The following PTPRD variants were observed in gnomAD, a reference collection of about 807,000 sequenced individuals.
The protein encoded by PTPRD is receptor-type tyrosine-protein phosphatase delta.
PTPRD carries 34 observed loss-of-function variants against 214.5 expected under a neutral mutation model. That is an observed-to-expected ratio of 0.16 (90% CI 0.12 to 0.21). PTPRD has a LOEUF of 0.21. PTPRD is among the 10% of genes least tolerant of loss of function. The pLI, the probability that PTPRD is intolerant of heterozygous loss-of-function variation, is 1.00. For synonymous variants in PTPRD, 1,128 were observed against 845.7 expected (o/e 1.33, Z -5.79); for missense variants, 2,545 against 2,398.7 (o/e 1.06, Z -1.27).
intron 8 of PTPRD, among the ~76,000 whole-genome samples, chr9:9,420,673 G>A (rs1356621135): frequency 6.6e-6 from 1 of 151,800 alleles, no homozygotes; most frequent in Non-Finnish European, 1.5e-5. Flanking sequence ...TGATGACACT[G>A]AGCAAATAAA....
chr9:8,657,092 C>T (rs544823601), intron 12 of PTPRD, among the ~76,000 whole-genome samples: 82 of 150,932 alleles, frequency 5.4e-4, no homozygotes, highest in Non-Finnish European at 1.1e-3. Context: ...TGATGCAGAG[C>T]TTTTCTTTCA....
At chr9:8,558,683 G>A (rs899060064) in intron 14 of PTPRD, among the ~76,000 whole-genome samples, 1 of 152,136 alleles carries the variant, frequency 6.6e-6, no homozygotes, top group African/African-American at 2.4e-5. Flanking sequence ...AATAAAAAAT[G>A]TCTATTATTT....
intron 4 of PTPRD, among the ~76,000 whole-genome samples, chr9:9,954,387 A>G (rs1341611832): frequency 6.7e-6 from 1 of 149,076 alleles, no homozygotes; most frequent in Non-Finnish European, 1.5e-5. Flanking sequence ...ATGTAATTGT[A>G]TCATCTTTTT....
rs77897424 is a variant in PTPRD, at chr9:8,625,869, T to TA, written c.352+7447dup. 6.7e-3 allele frequency among the ~76,000 whole-genome samples: 933 copies of TA among 139,874 alleles called. 9 individuals are homozygous for TA. Among genetic ancestry groups the TA allele is most frequent in the African/African-American group, 0.016 (604 of 38,356 alleles). 91.8% of individuals were successfully genotyped at this position (139,874 alleles called of 152,430 possible). ...GACTATTCCCCGATTGCCCAGTAGT[T>TA]AAAAAAAAAAAAAAAATCTTGCTAT... On this transcript the variant is annotated intron_variant, in intron 14 of 45. Coordinates refer to ENST00000381196, the MANE Select transcript of PTPRD (RefSeq NM_002839.4).
chr9:9,507,828 T>C (rs1488366144), intron 8 of PTPRD, among the ~76,000 whole-genome samples: 5 of 151,484 alleles, frequency 3.3e-5, no homozygotes, highest in Non-Finnish European at 7.4e-5. Context: ...TTCAGGTTGC[T>C]ATGGTAATTA....
intron 3 of PTPRD, among the ~76,000 whole-genome samples, chr9:10,257,662 G>C (rs1331304211): frequency 6.6e-6 from 1 of 152,134 alleles, no homozygotes; most frequent in Non-Finnish European, 1.5e-5. Context: ...TCTGAGAGGA[G>C]AGACATCTGA....
chr9:8,435,363 C>T (rs145952162), intron 35 of PTPRD, among the ~76,000 whole-genome samples: 23 of 152,130 alleles, frequency 1.5e-4, no homozygotes, highest in Non-Finnish European at 3.4e-4. Context: ...AGAATGTTAG[C>T]GCTGGTAGGT....
chr9:9,229,805 T>C (rs2099961949), intron 9 of PTPRD, among the ~76,000 whole-genome samples: 1 of 152,018 alleles, frequency 6.6e-6, no homozygotes, highest in Non-Finnish European at 1.5e-5. Flanking sequence ...CATGATGAGA[T>C]ATGAGAAAAC....
intron 35 of PTPRD, among the ~76,000 whole-genome samples, chr9:8,424,518 G>T (rs58050119): frequency 0.076 from 11,626 of 152,142 alleles, 630 homozygotes; most frequent in African/African-American, 0.17. Context: ...CTGGCACATG[G>T]TAAGTGCTAT....
intron 9 of PTPRD, among the ~76,000 whole-genome samples, chr9:9,240,622 T>C (rs1232297248): frequency 6.6e-6 from 1 of 152,110 alleles, no homozygotes; most frequent in Non-Finnish European, 1.5e-5. Flanking sequence ...ACTAAAGCAA[T>C]TAGGCTTATT....
intron 11 of PTPRD, among the ~76,000 whole-genome samples, chr9:8,842,283 G>A (rs1429687361): frequency 6.6e-6 from 1 of 152,038 alleles, no homozygotes; most frequent in Non-Finnish European, 1.5e-5. Flanking sequence ...TAGGAGAAAG[G>A]GCGACTATGT....
intron 12 of PTPRD, among the ~76,000 whole-genome samples, chr9:8,719,332 C>T (rs915009866): frequency 1.3e-5 from 2 of 152,210 alleles, no homozygotes; most frequent in Non-Finnish European, 2.9e-5. Flanking sequence ...CGCCATTAGA[C>T]ATCTATGTTT....
intron 2 of PTPRD, among the ~76,000 whole-genome samples, chr9:10,601,818 T>C (rs931166183): frequency 6.6e-6 from 1 of 151,750 alleles, no homozygotes; most frequent in African/African-American, 2.4e-5. Flanking sequence ...TGGAAAAGTT[T>C]ACATCATCAA....
chr9:8,535,736 A>G (rs1039643927), intron 14 of PTPRD, among the ~76,000 whole-genome samples: 4 of 151,916 alleles, frequency 2.6e-5, no homozygotes, highest in Admixed American at 2.6e-4. Flanking sequence ...TTTCATCTCA[A>G]AAGTTTCTTA....
chr9:9,776,101 T>A (rs1488250964), intron 5 of PTPRD, among the ~76,000 whole-genome samples: 1 of 152,132 alleles, frequency 6.6e-6, no homozygotes, highest in Non-Finnish European at 1.5e-5. Flanking sequence ...TGCTCAGCAG[T>A]CTTACATGCC....
chr9:9,726,973 G>C (rs1322800128), intron 7 of PTPRD, among the ~76,000 whole-genome samples: 1 of 152,098 alleles, frequency 6.6e-6, no homozygotes, highest in Non-Finnish European at 1.5e-5. Context: ...AATAAGCAGA[G>C]AGCTTTTGAA....
rs74986645 is a variant in PTPRD, at chr9:9,682,314, T to C, written c.-287+52219A>G. 3.3e-3 allele frequency among the ~76,000 whole-genome samples: 499 copies of C among 151,952 alleles called. 1 individual carries two copies. Among genetic ancestry groups the C allele is most frequent in the African/African-American group, 0.011 (475 of 41,520 alleles). Reference sequence around the variant, plus strand: ...TTATATTGGATCCTCTTTCCCATTCTACCAAAGATACACTATATTTTTTAT... The same window carrying C: ...TTATATTGGATCCTCTTTCCCATTCCACCAAAGATACACTATATTTTTTAT... On this transcript the variant is annotated intron_variant, in intron 7 of 45. Coordinates refer to ENST00000381196, the MANE Select transcript of PTPRD (RefSeq NM_002839.4).
At chr9:9,749,165 G>T (rs1018653708) in intron 6 of PTPRD, among the ~76,000 whole-genome samples, 5 of 152,042 alleles carry the variant, frequency 3.3e-5, no homozygotes. Flanking sequence ...CTTGACTCCT[G>T]CCTCTCTCCA....
intron 10 of PTPRD, among the ~76,000 whole-genome samples, chr9:9,149,160 C>G (rs916471957): frequency 6.6e-6 from 1 of 152,124 alleles, no homozygotes; most frequent in Non-Finnish European, 1.5e-5. Context: ...ATAAAATTAT[C>G]GCTCACCTCA....
Sources: gnomAD v4.1 joint callset for allele counts (sites outside exome capture counted in the v4.1 genomes callset) on GRCh38, gnomAD v4.1.1 for gene constraint, MANE v1.5 for transcripts, NCBI Gene and HGNC (gene_info 2026-07-23, HGNC 2026-07-21) for gene names.